CACNA1C: variants seen among roughly 807,000 people sequenced by gnomAD.
CACNA1C encodes voltage-dependent L-type calcium channel subunit alpha-1C.
In CACNA1C, 30 loss-of-function variants were observed where a neutral mutation model predicts 229.0. That is an observed-to-expected ratio of 0.13 (90% confidence interval 0.10 to 0.18). CACNA1C has a LOEUF of 0.18. Among genes scored for constraint, CACNA1C ranks in the 10% least tolerant of loss-of-function variants. The pLI is 1.00. For missense variants in CACNA1C, 1,658 were observed against 2,845.0 expected (o/e 0.58, Z 9.49); for synonymous variants, 1,114 against 1,132.5 (o/e 0.98, Z 0.33).
Position 2,677,685 on chromosome 12 carries a change from T to C in CACNA1C, c.4957-48T>C, listed in dbSNP as rs374986250. 6.6e-4 allele frequency: 1,048 copies of C among 1,579,652 alleles called. 3 individuals carry two copies. The Middle Eastern group carries it at 9.8e-3, about 15-fold the overall frequency. On this transcript the variant is annotated intron_variant, in intron 40 of 46. Coordinates refer to ENST00000399655, the MANE Select transcript of CACNA1C (RefSeq NM_000719.7). This position sits in a 1 kb window ranked among gnomAD's most constrained non-coding sequence, Gnocchi z 7.4. Reference sequence around the variant, plus strand: ...CCGAGGCTGTGGCTGGCTGGGGAGCTTGGAGGAAAGGGAGCGTGGTCCTCA... The same window carrying C: ...CCGAGGCTGTGGCTGGCTGGGGAGCCTGGAGGAAAGGGAGCGTGGTCCTCA...
rs766208314 is a variant in CACNA1C at position 2,504,525 on chromosome 12, C to T, written c.1114-317C>T. The T allele has an allele frequency of 1.1e-5, 18 of 1,603,502 alleles. No individual in the cohort carries two copies. The highest frequency in any genetic ancestry group is 1.7e-4 in the Middle Eastern group (1 of 6,044). On this transcript the variant is annotated intron_variant, in intron 7 of 46. Coordinates refer to ENST00000399655, the MANE Select transcript of CACNA1C (RefSeq NM_000719.7). This position sits in a 1 kb window ranked among gnomAD's most constrained non-coding sequence, Gnocchi z 6.8. ...CCTTTTTCGTTCTAAATCTGGTTCTCGGTGTGTTGAGCGGGTAAGCTGACC... is the reference window on the plus strand; with the variant it reads ...CCTTTTTCGTTCTAAATCTGGTTCTTGGTGTGTTGAGCGGGTAAGCTGACC...
chr12:2,283,719 A>G (rs1335673624), intron 3 of CACNA1C, among the ~76,000 whole-genome samples: 1 of 152,196 alleles, frequency 6.6e-6, no homozygotes, highest in Admixed American at 6.5e-5. Flanking sequence ...GGGATCCAAG[A>G]TGATGCATTT....
At chr12:2,150,302 G>A (rs1303088874) in intron 3 of CACNA1C, among the ~76,000 whole-genome samples, 1 of 152,198 alleles carries the variant, frequency 6.6e-6, no homozygotes, top group Non-Finnish European at 1.5e-5. Context: ...GAAAGAGGTA[G>A]AAGGCAGGTG....
intron 1 of CACNA1C, chr12:1,991,268 G>T: frequency 1.1e-5 from 5 of 455,584 alleles, no homozygotes; most frequent in Non-Finnish European, 2.2e-5. Context: ...CAATGAAAAT[G>T]TCTACTCCAC....
chr12:2,667,237 A>G (rs950162316), intron 37 of CACNA1C, among the ~76,000 whole-genome samples: 24 of 98,362 alleles, frequency 2.4e-4, no homozygotes, highest in African/African-American at 1.9e-3. Context: ...TGACCCAAAA[A>G]AAAAGTGTCG....
chr12:2,214,375 AT>A (rs1241415948), intron 3 of CACNA1C, among the ~76,000 whole-genome samples: 3 of 152,198 alleles, frequency 2.0e-5, no homozygotes, highest in Non-Finnish European at 4.4e-5. Flanking sequence ...TCAGAGTGTC[AT>A]TGCAGGACTC....
chr12:2,676,959 G>T, intron 39 of CACNA1C, 135 bp from the exon 40 acceptor site: 2 of 666,428 alleles, frequency 3.0e-6, no homozygotes, highest in South Asian at 2.0e-5. Flanking sequence ...CTCTTTTTAA[G>T]CCATGTGAAT....
intron 3 of CACNA1C, among the ~76,000 whole-genome samples, chr12:2,399,926 G>T (rs1025629891): frequency 6.6e-6 from 1 of 152,212 alleles, no homozygotes; most frequent in Non-Finnish European, 1.5e-5. Flanking sequence ...TAATGCCAAT[G>T]TGTCTGCCTG....
chr12:2,643,038 G>A (rs1223434894), intron 30 of CACNA1C, among the ~76,000 whole-genome samples: 1 of 152,228 alleles, frequency 6.6e-6, no homozygotes, highest in Non-Finnish European at 1.5e-5. Context: ...CACACACAAA[G>A]CAGGAAGAGC....
chr12:2,668,127 C>G (rs2096326765), intron 37 of CACNA1C, among the ~76,000 whole-genome samples: 1 of 72,662 alleles, frequency 1.4e-5, no homozygotes. Flanking sequence ...GATCCTTTCT[C>G]TTCTCTGGGC....
At chr12:2,314,098 T>C (rs1490162375) in intron 3 of CACNA1C, among the ~76,000 whole-genome samples, 1 of 152,198 alleles carries the variant, frequency 6.6e-6, no homozygotes. Context: ...GTTTTTATAT[T>C]ATACCCTGTC....
chr12:2,691,106 C>CG lies in CACNA1C; in HGVS notation c.6329dup (p.Glu2111ArgfsTer15), dbSNP rs771708175. 3.9e-5 allele frequency: 63 copies of CG among 1,611,816 alleles called. No homozygotes were observed. Among genetic ancestry groups the CG allele is most frequent in the Non-Finnish European group, 4.9e-5 (58 of 1,178,944 alleles). On this transcript the variant is annotated frameshift_variant, in exon 47 of 47. Coordinates refer to ENST00000399655, the MANE Select transcript of CACNA1C (RefSeq NM_000719.7). LOFTEE classifies it low-confidence loss of function (END_TRUNC). ...GCAGGGACGCGGGGCAGGACCGAGCCGGGGGCGAAGAGGACGCGGGCTGTG... is the reference window on the plus strand; with the variant it reads ...GCAGGGACGCGGGGCAGGACCGAGCCGGGGGGCGAAGAGGACGCGGGCTGTG...
chr12:2,230,777 G>A (rs748433826), intron 3 of CACNA1C, among the ~76,000 whole-genome samples: 3 of 152,258 alleles, frequency 2.0e-5, no homozygotes, highest in South Asian at 2.1e-4. Context: ...ACCCTTCTCC[G>A]GTGCTTATTT....
chr12:2,407,647 G>A (rs563948349), intron 3 of CACNA1C, among the ~76,000 whole-genome samples: 2 of 69,622 alleles, frequency 2.9e-5, no homozygotes, highest in Non-Finnish European at 6.3e-5. Context: ...GATAATAGCC[G>A]TCCTGATAAG....
chr12:2,684,124 G>T (rs957389903), intron 43 of CACNA1C, among the ~76,000 whole-genome samples: 3 of 152,222 alleles, frequency 2.0e-5, no homozygotes, highest in African/African-American at 7.2e-5. Flanking sequence ...AGCACAGCAT[G>T]CGGCTTCCTG....
At chr12:2,107,688 T>C (rs1565734582) in intron 1 of CACNA1C, among the ~76,000 whole-genome samples, 1 of 152,286 alleles carries the variant, frequency 6.6e-6, no homozygotes, top group African/African-American at 2.4e-5. Flanking sequence ...CATTGTTTTT[T>C]GGGTCTTAGA....
At chr12:2,061,254 T>C (rs1018146704) in intron 1 of CACNA1C, among the ~76,000 whole-genome samples, 2 of 152,108 alleles carry the variant, frequency 1.3e-5, no homozygotes, top group African/African-American at 4.8e-5. Flanking sequence ...GCTACTCTTA[T>C]TCTCCCCATC....
At chr12:2,543,766 G>A (rs1259110351) in intron 9 of CACNA1C, among the ~76,000 whole-genome samples, 1 of 152,112 alleles carries the variant, frequency 6.6e-6, no homozygotes, top group African/African-American at 2.4e-5. Context: ...TGCCAACTTG[G>A]CCCCCATGAA....
intron 30 of CACNA1C, among the ~76,000 whole-genome samples, chr12:2,645,403 T>G (rs2094227209): frequency 6.6e-6 from 1 of 152,132 alleles, no homozygotes; most frequent in East Asian, 1.9e-4. Flanking sequence ...AATTCTGAAT[T>G]TACATCCAAA....
Sources: gnomAD v4.1 joint callset for allele counts (sites outside exome capture counted in the v4.1 genomes callset) on GRCh38, gnomAD v4.1.1 for gene constraint, Gnocchi (gnomAD v3.1) non-coding constraint, MANE v1.5 for transcripts, NCBI Gene and HGNC (gene_info 2026-07-23, HGNC 2026-07-21) for gene names.